RBFOX1: variants seen among roughly 807,000 people sequenced by gnomAD.
RBFOX1 encodes RNA binding fox-1 homolog 1.
A neutral mutation model predicts 57.7 loss-of-function variants in RBFOX1; 8 were observed. That is an observed-to-expected ratio of 0.14 (90% CI 0.08 to 0.25). The LOEUF (loss-of-function observed/expected upper bound fraction) is 0.25. Ranked by LOEUF, RBFOX1 falls within the 10% of genes least tolerant of loss-of-function variation. The probability of loss-of-function intolerance (pLI) is 1.00; values close to 1 mark genes in which losing one functional copy is unlikely to be tolerated. For synonymous variants in RBFOX1, 326 were observed against 222.4 expected (o/e 1.47, Z -4.15); for missense variants, 611 against 548.5 (o/e 1.11, Z -1.14).
chr16:6,989,457 C>T (rs1053133814), intron 3 of RBFOX1, among the ~76,000 whole-genome samples: 4 of 151,986 alleles, frequency 2.6e-5, no homozygotes, highest in African/African-American at 9.7e-5. Context: ...CATATTGGTA[C>T]CTGTAAGTTA....
In RBFOX1 at chr16:6,848,982, C is replaced by G. The variant is rs947965370; in HGVS notation, c.-16+194332C>G. On this transcript the variant is annotated intron_variant, in intron 3 of 15. Transcript: ENST00000550418. ...CATGCACGCTTAACTAGCAACTTGC[C>G]TGTCCTGATTCCAAAGCACGTTTAG... is the stretch of plus-strand genomic sequence containing the variant. Among the ~76,000 whole-genome samples the G allele has an allele frequency of 1.2e-4, 19 of 152,290 alleles. 1 individual carries two copies. Among genetic ancestry groups the G allele is most frequent in the Admixed American group, 6.5e-4 (10 of 15,296 alleles).
At chr16:6,562,506 ACT>A (rs2097191703) in intron 2 of RBFOX1, among the ~76,000 whole-genome samples, 1 of 152,216 alleles carries the variant, frequency 6.6e-6, no homozygotes, top group African/African-American at 2.4e-5. Flanking sequence ...AGCAAGGGTG[ACT>A]CAGTCCAGGT....
chr16:6,929,545 T>C (rs7342693), intron 3 of RBFOX1, among the ~76,000 whole-genome samples: 15 of 152,238 alleles, frequency 9.9e-5, no homozygotes, highest in African/African-American at 3.6e-4. Context: ...AATCCAGTTA[T>C]GACTGTAGCT....
At chr16:6,756,897 C>T (rs2075874729) in intron 3 of RBFOX1, among the ~76,000 whole-genome samples, 1 of 152,038 alleles carries the variant, frequency 6.6e-6, no homozygotes, top group African/African-American at 2.4e-5. Flanking sequence ...ATTGCTTGAA[C>T]CGAGGGGATG....
intron 4 of RBFOX1, among the ~76,000 whole-genome samples, chr16:5,931,499 C>G (rs746623246): frequency 1.3e-5 from 2 of 152,096 alleles, no homozygotes; most frequent in Non-Finnish European, 2.9e-5. Context: ...GCTGAAAAAG[C>G]AACAGATGCC....
chr16:5,409,018 G>T (rs2066939388), intron 1 of RBFOX1, among the ~76,000 whole-genome samples: 2 of 152,206 alleles, frequency 1.3e-5, no homozygotes, highest in African/African-American at 4.8e-5. Context: ...TGTATCGGCG[G>T]GTGAAACCTG....
chr16:7,345,428 T>C (rs2096979195), intron 4 of RBFOX1, among the ~76,000 whole-genome samples: 1 of 152,174 alleles, frequency 6.6e-6, no homozygotes, highest in Non-Finnish European at 1.5e-5. Flanking sequence ...GCATTTTCCA[T>C]GAATTTTGGT....
chr16:5,904,749 G>A (rs2058404437), intron 4 of RBFOX1, among the ~76,000 whole-genome samples: 1 of 151,756 alleles, frequency 6.6e-6, no homozygotes, highest in African/African-American at 2.4e-5. Flanking sequence ...AGGCTGAGGT[G>A]GGCAGATCAC....
intron 4 of RBFOX1, among the ~76,000 whole-genome samples, chr16:7,068,593 T>A (rs1048547091): frequency 6.6e-6 from 1 of 152,134 alleles, no homozygotes; most frequent in South Asian, 2.1e-4. Context: ...ATTATTATTA[T>A]TTATTATTTT....
intron 1 of RBFOX1, among the ~76,000 whole-genome samples, chr16:5,272,782 C>T (rs900762052): frequency 1.1e-4 from 16 of 152,106 alleles, no homozygotes; most frequent in African/African-American, 3.6e-4. Flanking sequence ...TCATGGATTG[C>T]TCTGGGAATT....
chr16:7,048,692 C>T (rs1295744239), intron 3 of RBFOX1, among the ~76,000 whole-genome samples: 1 of 150,068 alleles, frequency 6.7e-6, no homozygotes, highest in Admixed American at 6.7e-5. Flanking sequence ...TTTGATAATT[C>T]CAACATCTTT....
At chr16:7,496,807 TAAAA>T (rs1012552232) in intron 4 of RBFOX1, among the ~76,000 whole-genome samples, 6 of 147,288 alleles carry the variant, frequency 4.1e-5, no homozygotes, top group Admixed American at 2.8e-4. Context: ...TTTTAGAAAA[TAAAA>T]AATAAATCAC....
At chr16:5,953,560 T>C (rs565023829) in intron 4 of RBFOX1, among the ~76,000 whole-genome samples, 1 of 152,238 alleles carries the variant, frequency 6.6e-6, no homozygotes, top group East Asian at 1.9e-4. Flanking sequence ...CCTCATAGCT[T>C]AGCTCCCACT....
intron 1 of RBFOX1, among the ~76,000 whole-genome samples, chr16:5,427,153 G>A (rs2067586268): frequency 1.3e-5 from 2 of 152,194 alleles, no homozygotes; most frequent in African/African-American, 4.8e-5. Flanking sequence ...TGGAAGTAAG[G>A]TTGGAGCCCT....
intron 1 of RBFOX1, among the ~76,000 whole-genome samples, chr16:6,028,227 G>T (rs1167648397): frequency 6.6e-6 from 1 of 152,162 alleles, no homozygotes; most frequent in African/African-American, 2.4e-5. Context: ...TCCAGTTCAG[G>T]TTGCTGTTGA....
rs576672681 is a variant in RBFOX1 at position 6,514,031 on chromosome 16, A to G, written c.-63-140572A>G. On this transcript the variant is annotated intron_variant, in intron 2 of 15. Coordinates refer to ENST00000550418, the MANE Select transcript of RBFOX1 (RefSeq NM_018723.4). ...CGCATGTCCACCTTACAGAGAATCA[A>G]CACCTCAAGGCATGAACTGTGTTGC... Among the ~76,000 whole-genome samples the G allele has an allele frequency of 9.7e-4, 147 of 152,316 alleles. 1 individual carries two copies. The highest frequency in any genetic ancestry group is 3.3e-3 in the African/African-American group (139 of 41,584).
intron 2 of RBFOX1, among the ~76,000 whole-genome samples, chr16:6,405,092 T>C (rs1202567737): frequency 6.6e-6 from 1 of 152,224 alleles, no homozygotes; most frequent in Non-Finnish European, 1.5e-5. Flanking sequence ...CCCAACATTC[T>C]CATGCTTTAA....
chr16:5,610,904 C>T (rs777695644), intron 3 of RBFOX1, among the ~76,000 whole-genome samples: 25 of 152,130 alleles, frequency 1.6e-4, no homozygotes, highest in Admixed American at 3.9e-4. Context: ...AAAATCAGAT[C>T]CCTCTAGTCC....
chr16:5,335,229 A>G (rs1449951551), intron 1 of RBFOX1, among the ~76,000 whole-genome samples: 1 of 152,122 alleles, frequency 6.6e-6, no homozygotes, highest in Non-Finnish European at 1.5e-5. Flanking sequence ...TCATTGATTC[A>G]AAGGAATTCA....
Sources: gnomAD v4.1 joint callset for allele counts (sites outside exome capture counted in the v4.1 genomes callset) on GRCh38, gnomAD v4.1.1 for gene constraint, MANE v1.5 for transcripts, NCBI Gene and HGNC (gene_info 2026-07-23, HGNC 2026-07-21) for gene names.